Variants in CSMD1 observed in about 807,000 individuals in gnomAD.
The protein encoded by CSMD1 is CUB and sushi domain-containing protein 1.
CSMD1 carries 213 observed loss-of-function variants against 417.5 expected under a neutral mutation model. That is an observed-to-expected ratio of 0.51 (90% CI 0.46 to 0.57). The LOEUF (loss-of-function observed/expected upper bound fraction) is 0.57. CSMD1 is among the 20% of genes least tolerant of loss of function. CSMD1 has a pLI of 0.00. For missense variants in CSMD1, 6,923 were observed against 4,529.7 expected (o/e 1.53, Z -15.17); for synonymous variants, 2,862 against 1,736.8 (o/e 1.65, Z -16.11).
chr8:4,129,192 T>A (rs1416674540), intron 3 of CSMD1, among the ~76,000 whole-genome samples: 1 of 152,164 alleles, frequency 6.6e-6, no homozygotes, highest in African/African-American at 2.4e-5. Flanking sequence ...TTTCAACATC[T>A]ACACTTAATA....
At chr8:4,936,732 G>A (rs1247963703) in intron 1 of CSMD1, among the ~76,000 whole-genome samples, 1 of 152,090 alleles carries the variant, frequency 6.6e-6, no homozygotes, top group Non-Finnish European at 1.5e-5. Context: ...TAATAGGCAG[G>A]ACCTGATAAA....
intron 2 of CSMD1, among the ~76,000 whole-genome samples, chr8:4,431,189 A>G (rs983434683): frequency 1.1e-4 from 16 of 152,184 alleles, no homozygotes; most frequent in African/African-American, 3.9e-4. Flanking sequence ...AGTGACCCCT[A>G]GAGTTTATTC....
At chr8:4,067,021 T>C (rs1289109500) in intron 3 of CSMD1, among the ~76,000 whole-genome samples, 1 of 152,250 alleles carries the variant, frequency 6.6e-6, no homozygotes, top group Admixed American at 6.5e-5. Context: ...CATGAGCTCT[T>C]AGTTTTGTGT....
At chr8:4,191,816 A>C (rs775590001) in intron 3 of CSMD1, among the ~76,000 whole-genome samples, 5 of 152,048 alleles carry the variant, frequency 3.3e-5, no homozygotes, top group Admixed American at 6.6e-5. Context: ...TCTCCTATCG[A>C]ATGATTTACA....
intron 6 of CSMD1, among the ~76,000 whole-genome samples, chr8:3,747,637 G>A (rs1797125233): frequency 6.6e-6 from 1 of 151,896 alleles, no homozygotes; most frequent in Non-Finnish European, 1.5e-5. Flanking sequence ...TGACAATAGC[G>A]CTTGCATCTC....
chr8:4,081,231 G>C (rs1362536304), intron 3 of CSMD1, among the ~76,000 whole-genome samples: 1 of 152,184 alleles, frequency 6.6e-6, no homozygotes, highest in African/African-American at 2.4e-5. Flanking sequence ...AGCAGGAACA[G>C]TCTCAGACAA....
chr8:3,576,244 C>A (rs1366114573), intron 9 of CSMD1, among the ~76,000 whole-genome samples: 1 of 150,260 alleles, frequency 6.7e-6, no homozygotes, highest in Non-Finnish European at 1.5e-5. Context: ...AAGAACCAGA[C>A]ATTTCTCTCT....
At chr8:4,510,660 C>T (rs534271378) in intron 2 of CSMD1, among the ~76,000 whole-genome samples, 15 of 145,078 alleles carry the variant, frequency 1.0e-4, no homozygotes, top group Admixed American at 4.1e-4. Flanking sequence ...CTCTTCCTTC[C>T]GTCTTCCTTT....
At chr8:4,272,779 G>C (rs548206168) in intron 3 of CSMD1, among the ~76,000 whole-genome samples, 93 of 152,256 alleles carry the variant, frequency 6.1e-4, no homozygotes, top group Non-Finnish European at 5.0e-4. Flanking sequence ...AAGGAGGTTA[G>C]TATGAGATGA....
chr8:3,435,176 G>A (rs1343475546), intron 12 of CSMD1, among the ~76,000 whole-genome samples: 1 of 152,186 alleles, frequency 6.6e-6, no homozygotes, highest in African/African-American at 2.4e-5. Flanking sequence ...TGAGAAGTCA[G>A]AGGGCAAAAA....
At chr8:4,106,484 G>C (rs1801574732) in intron 3 of CSMD1, among the ~76,000 whole-genome samples, 1 of 151,990 alleles carries the variant, frequency 6.6e-6, no homozygotes, top group Non-Finnish European at 1.5e-5. Context: ...CATTGCTCTT[G>C]AGTAACCCTG....
Position 4,360,222 on chromosome 8 carries a change from C to G in CSMD1, c.415+59731G>C, listed in dbSNP as rs563145550. Among the ~76,000 whole-genome samples the G allele has an allele frequency of 9.8e-4, 149 of 152,186 alleles. 1 individual carries two copies. The South Asian group carries it at 0.011, about 11-fold the overall frequency. On this transcript the variant is annotated intron_variant, in intron 3 of 69. Transcript: ENST00000635120. ...TTTGTCACCATTTTAGGGGGTAACC[C>G]TTCTCATCTAATGTTGATTTCCTGA...
intron 2 of CSMD1, among the ~76,000 whole-genome samples, chr8:4,480,982 A>C (rs765076596): frequency 6.6e-6 from 1 of 152,174 alleles, no homozygotes; most frequent in Non-Finnish European, 1.5e-5. Flanking sequence ...TCTTTGGTGC[A>C]GTGATTTTTG....
At chr8:4,640,454 C>G (rs1803121314) in intron 1 of CSMD1, among the ~76,000 whole-genome samples, 1 of 152,096 alleles carries the variant, frequency 6.6e-6, no homozygotes, top group African/African-American at 2.4e-5. Context: ...GAATAGAAAG[C>G]CATAAAATCC....
At chr8:4,055,906 T>A (rs1798665550) in intron 3 of CSMD1, among the ~76,000 whole-genome samples, 1 of 152,100 alleles carries the variant, frequency 6.6e-6, no homozygotes, top group Non-Finnish European at 1.5e-5. Flanking sequence ...GATGAGTCAT[T>A]AGTATTTAAG....
chr8:3,842,224 C>T (rs1185852791), intron 5 of CSMD1, among the ~76,000 whole-genome samples: 1 of 152,116 alleles, frequency 6.6e-6, no homozygotes, highest in African/African-American at 2.4e-5. Context: ...CTTGTAGAAT[C>T]ATCTGCTTGT....
chr8:3,121,366 T>A (rs904837826), intron 41 of CSMD1, among the ~76,000 whole-genome samples: 4 of 151,982 alleles, frequency 2.6e-5, no homozygotes, highest in African/African-American at 9.7e-5. Context: ...AGCAGAAAAA[T>A]GATTGAGAAC....
intron 3 of CSMD1, among the ~76,000 whole-genome samples, chr8:4,230,349 C>G (rs768485930): frequency 6.6e-6 from 1 of 152,114 alleles, no homozygotes; most frequent in Non-Finnish European, 1.5e-5. Flanking sequence ...GCAAATCAAG[C>G]CGAGTAAACT....
intron 10 of CSMD1, among the ~76,000 whole-genome samples, chr8:3,534,518 C>CAAAAAAA (rs566979953): frequency 2.3e-5 from 2 of 86,552 alleles, no homozygotes; most frequent in African/African-American, 3.5e-5. Context: ...TTCTCAATTA[C>CAAAAAAA]AAAAAAAAAA....
Sources: gnomAD v4.1 joint callset for allele counts (sites outside exome capture counted in the v4.1 genomes callset) on GRCh38, gnomAD v4.1.1 for gene constraint, MANE v1.5 for transcripts, NCBI Gene and HGNC (gene_info 2026-07-23, HGNC 2026-07-21) for gene names.